Variants in CEP70 observed in about 807,000 individuals in gnomAD.
CEP70 encodes centrosomal protein of 70 kDa.
CEP70 carries 70 observed loss-of-function variants against 90.9 expected under a neutral mutation model. That is an observed-to-expected ratio of 0.77 (90% CI 0.64 to 0.94). CEP70 has a LOEUF of 0.94. CEP70 is among the 40% of genes least tolerant of loss of function. The pLI is 0.00. For synonymous variants in CEP70, 220 were observed against 228.3 expected (o/e 0.96, Z 0.33); for missense variants, 648 against 669.0 (o/e 0.97, Z 0.35).
chr3:138,568,228 C>T (rs2040920746), intron 6 of CEP70, among the ~76,000 whole-genome samples: 2 of 152,166 alleles, frequency 1.3e-5, no homozygotes, highest in South Asian at 4.1e-4. Flanking sequence ...GAGCTAAAGG[C>T]ACGATAAATC....
At chr3:138,567,877 GA>G (rs1412561345) in intron 6 of CEP70, among the ~76,000 whole-genome samples, 1 of 152,106 alleles carries the variant, frequency 6.6e-6, no homozygotes, top group Non-Finnish European at 1.5e-5. Flanking sequence ...TCCTGACTGA[GA>G]ATCTGAAAGG....
intron 17 of CEP70, chr3:138,497,081 T>G: frequency 9.5e-7 from 1 of 1,052,870 alleles, no homozygotes; most frequent in Non-Finnish European, 1.1e-6. Flanking sequence ...AAGTTTAACT[T>G]TCAAATTACA....
intron 16 of CEP70, chr3:138,499,831 G>GAT: frequency 6.7e-6 from 2 of 299,636 alleles, no homozygotes; most frequent in South Asian, 8.8e-5. Flanking sequence ...GGTGGCGTGT[G>GAT]CTTACAGTCA....
chr3:138,503,461 GAAA>G (rs1200742657), intron 13 of CEP70, among the ~76,000 whole-genome samples: 1 of 152,064 alleles, frequency 6.6e-6, no homozygotes, highest in African/African-American at 2.4e-5. Flanking sequence ...TAACCTGAGG[GAAA>G]AAACTAATCT....
chr3:138,577,952 C>G (rs1290320096), intron 2 of CEP70, among the ~76,000 whole-genome samples: 1 of 152,222 alleles, frequency 6.6e-6, no homozygotes, highest in African/African-American at 2.4e-5. Context: ...GGCATGGCCA[C>G]AGCCTAGTTT....
intron 17 of CEP70, among the ~76,000 whole-genome samples, chr3:138,495,643 G>A (rs535229464): frequency 2.6e-5 from 4 of 152,302 alleles, no homozygotes; most frequent in African/African-American, 9.6e-5. Flanking sequence ...TCTGAGGTCA[G>A]GAGTTTAAGA....
At chr3:138,500,703 C>T in intron 14 of CEP70, 32 bp downstream of exon 14, 2 of 1,544,496 alleles carry the variant, frequency 1.3e-6, no homozygotes, top group Non-Finnish European at 1.7e-6. Context: ...AGATAAGAAA[C>T]ATTAGAAGGT....
chr3:138,582,171 G>C (rs894393853), intron 2 of CEP70, among the ~76,000 whole-genome samples: 1 of 152,026 alleles, frequency 6.6e-6, no homozygotes, highest in African/African-American at 2.4e-5. Context: ...CAAAACTCAC[G>C]GGTAATCAAA....
rs186070547 is a variant in CEP70, at chr3:138,561,896, C to T, written c.465+8422G>A. Among the ~76,000 whole-genome samples, 4 of 151,660 alleles carry T rather than the reference C, an allele frequency of 2.6e-5. No individual in the cohort carries two copies. In the East Asian group the frequency reaches 7.9e-4, roughly 30 times the overall value. The stretch of plus-strand genomic sequence containing the variant: ...AAAATTAGCTGGGCATGGTGGCAGG[C>T]ACCTGTAGTCCCAGCTATTGGGAGG... On this transcript the variant is annotated intron_variant, in intron 6 of 17. Coordinates refer to ENST00000264982, the MANE Select transcript of CEP70 (RefSeq NM_024491.4).
At chr3:138,570,281 C>A in intron 6 of CEP70, 37 bp downstream of exon 6, 1 of 1,396,330 alleles carries the variant, frequency 7.2e-7, no homozygotes, top group Non-Finnish European at 9.8e-7. Context: ...TGTTTTAGTA[C>A]TAACTAACCA....
intron 13 of CEP70, among the ~76,000 whole-genome samples, chr3:138,502,471 A>G (rs1380066941): frequency 6.6e-6 from 1 of 152,134 alleles, no homozygotes; most frequent in African/African-American, 2.4e-5. Flanking sequence ...GGCAGTTACT[A>G]TTTTAGTAAT....
intron 11 of CEP70, among the ~76,000 whole-genome samples, chr3:138,521,771 C>T (rs544094492): frequency 1.2e-4 from 18 of 152,338 alleles, no homozygotes; most frequent in African/African-American, 4.1e-4. Flanking sequence ...GGCCGCCACC[C>T]TGTCTGGGAG....
chr3:138,519,393 A>G (rs1204769351), intron 11 of CEP70, among the ~76,000 whole-genome samples: 4 of 152,212 alleles, frequency 2.6e-5, no homozygotes, highest in African/African-American at 9.6e-5. Flanking sequence ...GATTCATCAA[A>G]GTTGAAATGA....
chr3:138,505,567 T>A (rs1182415068), intron 12 of CEP70, 102 bp from the exon 13 acceptor site: 4 of 623,048 alleles, frequency 6.4e-6, no homozygotes, highest in Non-Finnish European at 9.6e-6. Flanking sequence ...TATATACACA[T>A]ATTTCATTAA....
chr3:138,566,526 T>C (rs1193803587), intron 6 of CEP70, among the ~76,000 whole-genome samples: 2 of 151,670 alleles, frequency 1.3e-5, no homozygotes, highest in Non-Finnish European at 3.0e-5. Context: ...CCTTTGAATC[T>C]GGAAACCATT....
intron 2 of CEP70, among the ~76,000 whole-genome samples, chr3:138,582,530 T>C (rs1644864312): frequency 1.3e-5 from 2 of 150,086 alleles, no homozygotes; most frequent in African/African-American, 4.9e-5. Flanking sequence ...TCCCAGCACT[T>C]TGGGAGGCTG....
chr3:138,585,281 AT>A (rs1176252364), intron 2 of CEP70, among the ~76,000 whole-genome samples: 2 of 152,184 alleles, frequency 1.3e-5, no homozygotes, highest in Non-Finnish European at 2.9e-5. Context: ...CAAAACAGTA[AT>A]CCCATTTACA....
At chr3:138,525,180 C>T (rs1298746438) in intron 11 of CEP70, among the ~76,000 whole-genome samples, 3 of 151,726 alleles carry the variant, frequency 2.0e-5, no homozygotes, top group Non-Finnish European at 2.9e-5. Context: ...AACCAAACAC[C>T]GCATGTTCTC....
At chr3:138,553,484 A>G (rs1302134965) in intron 6 of CEP70, among the ~76,000 whole-genome samples, 1 of 143,514 alleles carries the variant, frequency 7.0e-6, no homozygotes, top group African/African-American at 2.4e-5. Flanking sequence ...CATCTCAAAA[A>G]GACAAAAAAA....
Sources: gnomAD v4.1 joint callset for allele counts (sites outside exome capture counted in the v4.1 genomes callset) on GRCh38, gnomAD v4.1.1 for gene constraint, MANE v1.5 for transcripts, NCBI Gene and HGNC (gene_info 2026-07-23, HGNC 2026-07-21) for gene names.